The following KMT2C variants were observed in gnomAD, a reference collection of about 807,000 sequenced individuals.
KMT2C encodes lysine methyltransferase 2C.
In KMT2C, 88 loss-of-function variants were observed where a neutral mutation model predicts 507.9. The ratio of observed to expected loss-of-function variants is 0.17; its 90% CI spans 0.15 to 0.21. The LOEUF is 0.21. KMT2C is among the 10% of genes least tolerant of loss of function. The pLI is 1.00. For missense variants in KMT2C, 4,954 were observed against 5,957.8 expected, an observed-to-expected ratio of 0.83 and a Z score of 5.55; for synonymous variants, 2,049 against 2,080.8, an observed-to-expected ratio of 0.98 and a Z score of 0.42.
At chr7:152,247,221 G>C (rs1252934425) in intron 14 of KMT2C, among the ~76,000 whole-genome samples, 1 of 151,984 alleles carries the variant, frequency 6.6e-6, no homozygotes, top group Non-Finnish European at 1.5e-5. Flanking sequence ...TCTTCATTTT[G>C]CCATGCAGTT....
rs547835436 is a variant in KMT2C, at chr7:152,395,673, A to G, written c.162-36998T>C. On this transcript the variant is annotated intron_variant, in intron 1 of 58. Coordinates refer to ENST00000262189, the MANE Select transcript of KMT2C (RefSeq NM_170606.3). ...CAGGTGCCTACCACCATGCCAGGCT[A>G]ATTTTTGTATTTTTAGTAGAGACAG... Among the ~76,000 whole-genome samples, 144 of 152,038 alleles carry G rather than the reference A, an allele frequency of 9.5e-4. 1 individual carries two copies. The highest frequency in any genetic ancestry group is 1.7e-3 in the Non-Finnish European group (117 of 67,970).
At chr7:152,250,691 G>T (rs541686941) in intron 12 of KMT2C, among the ~76,000 whole-genome samples, 162 bp downstream of exon 12, 16 of 152,146 alleles carry the variant, frequency 1.1e-4, no homozygotes, top group South Asian at 2.1e-4. Flanking sequence ...ACAAATACAC[G>T]CATGTCCTTT....
intron 55 of KMT2C, among the ~76,000 whole-genome samples, chr7:152,142,816 G>A (rs2090721424): frequency 6.6e-6 from 1 of 152,180 alleles, no homozygotes; most frequent in African/African-American, 2.4e-5. Flanking sequence ...AGAAAAGGAA[G>A]ACGGAGAAAA....
intron 9 of KMT2C, among the ~76,000 whole-genome samples, chr7:152,253,515 A>T (rs1458765351): frequency 5.3e-5 from 3 of 56,410 alleles, no homozygotes; most frequent in South Asian, 6.4e-4. Flanking sequence ...CTTTCTCTAC[A>T]AAAAAAAAAA....
At chr7:152,418,458 T>A (rs2097759037) in intron 1 of KMT2C, among the ~76,000 whole-genome samples, 1 of 151,980 alleles carries the variant, frequency 6.6e-6, no homozygotes, top group Non-Finnish European at 1.5e-5. Flanking sequence ...TGAGACAGAG[T>A]CTCGCTCTGT....
At chr7:152,318,088 A>G (rs1353698541) in intron 3 of KMT2C, among the ~76,000 whole-genome samples, 1 of 152,084 alleles carries the variant, frequency 6.6e-6, no homozygotes, top group Non-Finnish European at 1.5e-5. Context: ...CAATGAACTG[A>G]GATCGTGCCA....
In KMT2C at chr7:152,213,586, C is replaced by T. The variant is rs185839743; in HGVS notation, c.3713-6158G>A. On this transcript the variant is annotated intron_variant, in intron 23 of 58. Coordinates refer to ENST00000262189, the MANE Select transcript of KMT2C (RefSeq NM_170606.3). The stretch of plus-strand genomic sequence containing the variant: ...AAAGCAACTCAAAATAGATTAAATA[C>T]CTAACACCTGAAACCATAAAACTCC... 1.3e-3 allele frequency among the ~76,000 whole-genome samples: 202 copies of T among 152,098 alleles called. 1 individual carries two copies. The highest frequency in any genetic ancestry group is 4.7e-3 in the African/African-American group (197 of 41,498).
chr7:152,399,816 G>A (rs970698422), intron 1 of KMT2C, among the ~76,000 whole-genome samples: 2 of 151,862 alleles, frequency 1.3e-5, no homozygotes, highest in Non-Finnish European at 1.5e-5. Context: ...AGATATTGGC[G>A]GGGGAGGAAA....
At chr7:152,175,755 G>A (rs1213153063) in intron 38 of KMT2C, among the ~76,000 whole-genome samples, 2 of 152,156 alleles carry the variant, frequency 1.3e-5, no homozygotes, top group African/African-American at 4.8e-5. Context: ...TAAAGCTCAA[G>A]GAGGGCCAAG....
At chr7:152,286,709 A>G (rs2096303418) in intron 6 of KMT2C, among the ~76,000 whole-genome samples, 1 of 152,172 alleles carries the variant, frequency 6.6e-6, no homozygotes, top group South Asian at 2.1e-4. Flanking sequence ...GAAGACAACA[A>G]AATGTAGAGA....
chr7:152,282,731 T>C (rs2096241553), intron 6 of KMT2C, among the ~76,000 whole-genome samples: 1 of 152,102 alleles, frequency 6.6e-6, no homozygotes. Context: ...TGGGGCGCTA[T>C]TATTTGTTTC....
chr7:152,184,870 C>T (rs1305502928), intron 34 of KMT2C, among the ~76,000 whole-genome samples: 1 of 152,180 alleles, frequency 6.6e-6, no homozygotes, highest in Non-Finnish European at 1.5e-5. Flanking sequence ...CTCAACCTCT[C>T]AAGTCTCTCA....
At position 152,194,077 on chromosome 7, in the gene KMT2C, G is replaced by C. The variant is rs587778491; in HGVS notation, c.4592C>G (p.Ala1531Gly). The C allele has an allele frequency of 1.3e-6, 2 of 1,593,794 alleles. No individual in the cohort carries two copies. Reference sequence around the variant, plus strand: ...TGGCAATGGAGTTGGCTGAGTGTTCGCAGGACTAAGTACAGCTGTAAATAA... The same window carrying C: ...TGGCAATGGAGTTGGCTGAGTGTTCCCAGGACTAAGTACAGCTGTAAATAA... ...EDLFTAVLSP[A>G]NTQPTPLPQP... The change falls in exon 31 of 59, where the codon GCG (alanine) becomes GGG (glycine). Residue 1531 changes from alanine (A) to glycine (G), a missense_variant. Ala to Gly is a moderately conservative substitution (Grantham distance 60). This residue lies in a region of KMT2C where 195 missense variants were observed against 183.7 expected (regional missense o/e 1.06). Coordinates refer to ENST00000262189, the MANE Select transcript of KMT2C (RefSeq NM_170606.3).
chr7:152,177,521 C>A lies in KMT2C; in HGVS notation c.7932G>T (p.Met2644Ile), dbSNP rs1303234412. The A allele has an allele frequency of 6.2e-7, 1 of 1,614,132 alleles. No homozygotes were observed. The highest frequency in any genetic ancestry group is 8.5e-7 in the Non-Finnish European group (1 of 1,180,026). Residue 2644 changes from methionine to isoleucine, a missense_variant, in exon 38 of 59, where the codon ATG (methionine) becomes ATT (isoleucine). Transcript: ENST00000262189. ...EQGHSVHSSS[M>I]VMRTLNHPLG... ...GTGGATGGTTCAGAGTCCTCATGACCATAGAAGATGAATGGACAGAATGAC... is the reference window on the plus strand; with the variant it reads ...GTGGATGGTTCAGAGTCCTCATGACAATAGAAGATGAATGGACAGAATGAC...
chr7:152,148,366 C>T lies in KMT2C; in HGVS notation c.13561G>A (p.Val4521Ile), dbSNP rs1472062297. The change falls in exon 52 of 59, where the codon GTC (valine) becomes ATC (isoleucine). Residue 4521 changes from valine to isoleucine, a missense_variant. This residue lies in a region of KMT2C where 221 missense variants were observed against 304.7 expected (regional missense o/e 0.73). Transcript: ENST00000262189. This position sits in a 1 kb window ranked among gnomAD's most constrained non-coding sequence, Gnocchi z 7.1. ...CGCTGAACATAGACCCTCCTGAAGACTGCAAAGTAACTTAATTCTTGCTCA... is the reference window on the plus strand; with the variant it reads ...CGCTGAACATAGACCCTCCTGAAGATTGCAAAGTAACTTAATTCTTGCTCA... ...IHEQELSYFA[V>I]FRRVYVQRDE... 6.2e-7 allele frequency: 1 copy of T among 1,614,272 alleles called. No individual in the cohort carries two copies. Among genetic ancestry groups the T allele is most frequent in the Non-Finnish European group, 8.5e-7 (1 of 1,180,054 alleles).
intron 2 of KMT2C, among the ~76,000 whole-genome samples, chr7:152,347,938 A>T (rs1016238577): frequency 3.3e-5 from 5 of 152,230 alleles, no homozygotes; most frequent in African/African-American, 1.2e-4. Context: ...GTTCAACCCC[A>T]AGCTATTAAA....
chr7:152,367,044 G>A (rs1024508072), intron 1 of KMT2C: 2 of 640,954 alleles, frequency 3.1e-6, no homozygotes, highest in African/African-American at 1.8e-5. Context: ...GGAATCCACA[G>A]GTCTTTCTTG....
At chr7:152,139,310 T>A (rs748577593) in intron 56 of KMT2C, 51 bp from the exon 57 acceptor site, 1 of 1,534,448 alleles carries the variant, frequency 6.5e-7, no homozygotes, top group South Asian at 1.1e-5. Flanking sequence ...GAAACTCCCC[T>A]CTGTGTTCCT....
chr7:152,279,067 T>C (rs1330854472), intron 6 of KMT2C, among the ~76,000 whole-genome samples: 7 of 152,046 alleles, frequency 4.6e-5, no homozygotes, highest in African/African-American at 1.7e-4. Flanking sequence ...CGTAAAGAAA[T>C]GTCCACATAT....
Sources: gnomAD v4.1 joint callset for allele counts (sites outside exome capture counted in the v4.1 genomes callset) on GRCh38, gnomAD v4.1.1 for gene constraint, gnomAD v4.1.1 regional missense constraint, Gnocchi (gnomAD v3.1) non-coding constraint, MANE v1.5 for transcripts, NCBI Gene and HGNC (gene_info 2026-07-23, HGNC 2026-07-21) for gene names.